Variants in SCRIB observed in about 807,000 individuals in gnomAD.
SCRIB encodes protein scribble homolog.
Under a neutral mutation model 170.0 loss-of-function variants are expected in SCRIB, and 72 were observed. That is an observed-to-expected ratio of 0.42 (90% CI 0.35 to 0.52). SCRIB has a LOEUF of 0.52. Among genes scored for constraint, SCRIB ranks in the 20% least tolerant of loss-of-function variants. The pLI, the probability that SCRIB is intolerant of heterozygous loss-of-function variation, is 0.02. For synonymous variants in SCRIB, 1,298 were observed against 1,044.3 expected, an observed-to-expected ratio of 1.24 and a Z score of -4.68; for missense variants, 2,475 against 2,338.5, an observed-to-expected ratio of 1.06 and a Z score of -1.20.
At chr8:143,807,967 G>A (rs1815506575) in intron 15 of SCRIB, among the ~76,000 whole-genome samples, 1 of 152,226 alleles carries the variant, frequency 6.6e-6, no homozygotes, top group Non-Finnish European at 1.5e-5. Context: ...GAGAGCAGGT[G>A]AGACCCTTTG....
intron 35 of SCRIB, 55 bp downstream of exon 35, chr8:143,791,611 G>A (rs927453926): frequency 2.0e-6 from 3 of 1,523,126 alleles, no homozygotes; most frequent in South Asian, 1.1e-5. Flanking sequence ...GCGGATGGGG[G>A]CGGTGGCAGG....
Position 143,793,090 on chromosome 8 carries a change from G to T in SCRIB, c.3910-7C>A. On this transcript the variant is annotated splice_region_variant and splice_polypyrimidine_tract_variant and intron_variant, in intron 28 of 36. Transcript: ENST00000356994. Reference sequence around the variant, plus strand: ...GAGAAGGCGGGGAGGGCGGCTGGGGGGTGGGGCTCTTGTGAGCTATGCTGG... The same window carrying T: ...GAGAAGGCGGGGAGGGCGGCTGGGGTGTGGGGCTCTTGTGAGCTATGCTGG... 1 of 1,440,562 alleles carries T rather than the reference G, an allele frequency of 6.9e-7. No individual in the cohort carries two copies. The highest frequency in any genetic ancestry group is 9.2e-7 in the Non-Finnish European group (1 of 1,088,362). 89.2% of individuals were successfully genotyped at this position (1,440,562 alleles called of 1,614,324 possible). A position where few individuals can be genotyped will look rare whatever the true frequency, so the allele number is the denominator to read the frequency against.
At chr8:143,793,109 A>T in intron 28 of SCRIB, 26 bp from the exon 29 acceptor site, 1 of 1,314,254 alleles carries the variant, frequency 7.6e-7, no homozygotes, top group South Asian at 1.6e-5. Context: ...CTTGTGAGCT[A>T]TGCTGGGGCA....
rs777835120 is a variant in SCRIB at position 143,813,481 on chromosome 8, C to T, written c.492G>A (p.Lys164=). Residue 164 remains lysine (K), a synonymous_variant, in exon 5 of 37, where the codon AAG becomes AAA. Transcript: ENST00000356994. ...CCTGTCACACTCACGCTGGCAGGGA[C>T]TTGAGCAGGTTCTCCCGGAGCTCCA... is the stretch of plus-strand genomic sequence containing the variant. ...VTLELRENLL[K]SLPASLSFLV... The T allele has an allele frequency of 6.2e-7, 1 of 1,613,262 alleles. No individual in the cohort carries two copies. The highest frequency in any genetic ancestry group is 2.2e-5 in the East Asian group (1 of 44,878).
At chr8:143,794,890 G>C in intron 27 of SCRIB, 148 bp downstream of exon 27, 1 of 677,054 alleles carries the variant, frequency 1.5e-6, no homozygotes, top group Non-Finnish European at 2.5e-6. Flanking sequence ...GTGCCAGGCT[G>C]GGGTAGCCTG....
intron 24 of SCRIB, among the ~76,000 whole-genome samples, chr8:143,801,082 G>C (rs2130048634): frequency 6.6e-6 from 1 of 152,376 alleles, no homozygotes; most frequent in East Asian, 1.9e-4. Flanking sequence ...TGGCCCAGAA[G>C]TAGCTCACAA....
rs1815483748 is a variant in SCRIB, at chr8:143,807,536, A to G, written c.2178+16T>C. 1 of 1,610,550 alleles carries G rather than the reference A, an allele frequency of 6.2e-7. No individual in the cohort carries two copies. The highest frequency in any genetic ancestry group is 8.5e-7 in the Non-Finnish European group (1 of 1,176,848). ...CAGCAGCGGCCCGGCCAGAGTGCAGAGCGAGCAGTACAGACCTCTTCCTCC... is the reference window on the plus strand; with the variant it reads ...CAGCAGCGGCCCGGCCAGAGTGCAGGGCGAGCAGTACAGACCTCTTCCTCC... On this transcript the variant is annotated intron_variant, in intron 16 of 36. Coordinates refer to ENST00000356994, the MANE Select transcript of SCRIB (RefSeq NM_182706.5).
rs1254075077 is a variant in SCRIB, at chr8:143,791,049, A to C, written c.*114T>G. ...GGGCAGTTAGTTAGTCACAGGCCAG[A>C]ACTCCTGTGGGGTCTCTTTAAAATG... On this transcript the variant is annotated 3_prime_UTR_variant, in exon 37 of 37. Coordinates refer to ENST00000356994, the MANE Select transcript of SCRIB (RefSeq NM_182706.5). The C allele has an allele frequency of 8.7e-7, 1 of 1,154,628 alleles. No individual in the cohort carries two copies. Among genetic ancestry groups the C allele is most frequent in the Non-Finnish European group, 1.1e-6 (1 of 899,318 alleles). 71.5% of individuals were successfully genotyped at this position (1,154,628 alleles called of 1,614,324 possible). A position where few individuals can be genotyped will look rare whatever the true frequency, so the allele number is the denominator to read the frequency against.
chr8:143,812,138 G>C (rs1334207385), intron 9 of SCRIB, 128 bp downstream of exon 9: 2 of 746,284 alleles, frequency 2.7e-6, no homozygotes, highest in Non-Finnish European at 4.9e-6. Flanking sequence ...CAAGAGAAGA[G>C]CCCTTCCTGA....
At position 143,815,419 on chromosome 8, in the gene SCRIB, C is replaced by T; in HGVS notation, c.-47G>A. 9.1e-7 allele frequency: 1 copy of T among 1,102,892 alleles called. No individual in the cohort carries two copies. The highest frequency in any genetic ancestry group is 3.4e-4 in the Middle Eastern group (1 of 2,980). The allele number at this position is 1,102,892 out of a possible 1,614,324, so 68.3% of individuals were successfully genotyped here. A position where few individuals can be genotyped will look rare whatever the true frequency, so the allele number is the denominator to read the frequency against. The stretch of plus-strand genomic sequence containing the variant: ...CTCCGGCGGCGGCGCTCGGCGGGCT[C>T]GGGGCCGGGGGGCGGGGCTCAGTCC... On this transcript the variant is annotated 5_prime_UTR_variant, in exon 1 of 37. Coordinates refer to ENST00000356994, the MANE Select transcript of SCRIB (RefSeq NM_182706.5).
chr8:143,793,824 G>T, intron 28 of SCRIB, 76 bp downstream of exon 28: 1 of 1,434,624 alleles, frequency 7.0e-7, no homozygotes, highest in South Asian at 1.2e-5. Flanking sequence ...CCCTGGAGGA[G>T]GGGCCCTGTG....
intron 24 of SCRIB, 107 bp from the exon 25 acceptor site, chr8:143,795,637 A>AGCC: frequency 1.0e-6 from 1 of 979,538 alleles, no homozygotes; most frequent in South Asian, 1.4e-5. Context: ...TGAGCCCAGG[A>AGCC]GCCGCGTCCC....
In SCRIB at chr8:143,809,577, C is replaced by T. The variant is rs760404251; in HGVS notation, c.1672G>A (p.Glu558Lys). 6.2e-6 allele frequency: 10 copies of T among 1,611,530 alleles called. No individual in the cohort carries two copies. Among genetic ancestry groups the T allele is most frequent in the Non-Finnish European group, 8.5e-6 (10 of 1,179,662 alleles). Residue 558 changes from glutamate (E) to lysine (K), a missense_variant, in exon 14 of 37, where the codon GAA becomes AAA. Around this residue, in one of 3 missense-constraint regions of SCRIB, gnomAD observed 1,966 missense variants for 1,742.9 expected, o/e 1.13. Transcript: ENST00000356994. ...TCCTGGTAGTCCTCTTCGGCGTCTTCCTCCCCGCCAGCAGTCGTGGCTTCC... is the reference window on the plus strand; with the variant it reads ...TCCTGGTAGTCCTCTTCGGCGTCTTTCTCCCCGCCAGCAGTCGTGGCTTCC... Reference protein sequence around the residue: ...QQEATTAGGEEDAEEDYQEPT... With the variant: ...QQEATTAGGEKDAEEDYQEPT...
intron 27 of SCRIB, chr8:143,794,207 G>A: frequency 1.9e-6 from 1 of 523,364 alleles, no homozygotes; most frequent in Non-Finnish European, 3.4e-6. Flanking sequence ...CTGGAGCTTT[G>A]CAGGAGAGAT....
rs1223588949 is a variant in SCRIB, at chr8:143,810,578, G to A, written c.1431C>T (p.His477=). ...KRGLQRRATP[H]PSELKVMKRS... is the part of the protein sequence containing the mutation. ...TCTTCATCACCTTGAGCTCGCTGGG[G>A]TGAGGTGTGGCCCGGCGCTGTAGGC... Residue 477 remains histidine, a synonymous_variant, in exon 13 of 37, where the codon CAC becomes CAT. Coordinates refer to ENST00000356994, the MANE Select transcript of SCRIB (RefSeq NM_182706.5). 1.2e-6 allele frequency: 2 copies of A among 1,613,748 alleles called. No individual in the cohort carries two copies. Among genetic ancestry groups the A allele is most frequent in the Middle Eastern group, 1.6e-4 (1 of 6,062 alleles).
chr8:143,794,204 T>C, intron 27 of SCRIB: 1 of 514,532 alleles, frequency 1.9e-6, no homozygotes, highest in Non-Finnish European at 3.5e-6. Flanking sequence ...TGGCTGGAGC[T>C]TTGCAGGAGA....
intron 31 of SCRIB, 26 bp downstream of exon 31, chr8:143,792,459 G>A: frequency 6.6e-7 from 1 of 1,519,032 alleles, no homozygotes; most frequent in South Asian, 1.3e-5. Flanking sequence ...GGGTGAGTAG[G>A]GGGCGTCTGG....
intron 17 of SCRIB, 72 bp downstream of exon 17, chr8:143,806,852 T>G: frequency 1.9e-6 from 2 of 1,075,416 alleles, no homozygotes; most frequent in Non-Finnish European, 2.7e-6. Context: ...GCAAGGGGCC[T>G]GTGTGCCATC....
At position 143,810,487 on chromosome 8, in the gene SCRIB, C is replaced by A. The variant is rs758426749; in HGVS notation, c.1522G>T (p.Ala508Ser). ...CGTGGCTCCATGCCCACCTCCTCTG[C>A]AGGCAAGGGCGACCCAGAGTCTGGC... is the stretch of plus-strand genomic sequence containing the variant. ...CQPDSGSPLP[A>S]EEEKRLSAES... The change falls in exon 13 of 37, where the codon GCA (alanine) becomes TCA (serine). Residue 508 changes from alanine (A) to serine (S), a missense_variant. Physicochemically the swap from Ala to Ser is moderately conservative, Grantham distance 99. Transcript: ENST00000356994. 6.2e-7 allele frequency: 1 copy of A among 1,608,606 alleles called. No homozygotes were observed. Among genetic ancestry groups the A allele is most frequent in the African/African-American group, 1.3e-5 (1 of 75,050 alleles).
Sources: allele counts gnomAD v4.1 joint callset (sites outside exome capture counted in the v4.1 genomes callset), GRCh38; gene constraint gnomAD v4.1.1; regional missense constraint gnomAD v4.1.1; transcripts MANE v1.5; gene names NCBI Gene and HGNC (gene_info 2026-07-23, HGNC 2026-07-21).